Variants in NRXN1 observed in about 807,000 individuals in gnomAD.
NRXN1 encodes neurexin-1.
A neutral mutation model predicts 150.9 loss-of-function variants in NRXN1; 39 were observed. That is an observed-to-expected ratio of 0.26 (90% CI 0.20 to 0.34). The LOEUF is 0.34. NRXN1 is among the 10% of genes least tolerant of loss of function. NRXN1 has a pLI of 1.00. For missense variants in NRXN1, 1,815 were observed against 1,949.9 expected (o/e 0.93, Z 1.30); for synonymous variants, 924 against 757.0 (o/e 1.22, Z -3.62).
intron 18 of NRXN1, among the ~76,000 whole-genome samples, chr2:50,183,231 T>C (rs558569585): frequency 2.8e-4 from 42 of 152,108 alleles, no homozygotes; most frequent in Non-Finnish European, 5.9e-4. Flanking sequence ...GTCAGAAGCA[T>C]CTGCTCCTTA....
At chr2:50,145,627 C>T (rs573384876) in intron 18 of NRXN1, among the ~76,000 whole-genome samples, 7 of 151,670 alleles carry the variant, frequency 4.6e-5, no homozygotes, top group South Asian at 2.1e-4. Flanking sequence ...TTTTTAGCTG[C>T]GTAGGCTCTT....
intron 17 of NRXN1, among the ~76,000 whole-genome samples, chr2:50,413,013 A>AT (rs953786265): frequency 5.9e-5 from 9 of 152,204 alleles, no homozygotes; most frequent in African/African-American, 2.2e-4. Context: ...TCTCCAGGAC[A>AT]TTTTTTTGGG....
At chr2:50,055,907 A>T (rs936749359) in intron 19 of NRXN1, among the ~76,000 whole-genome samples, 1 of 152,194 alleles carries the variant, frequency 6.6e-6, no homozygotes, top group Non-Finnish European at 1.5e-5. Flanking sequence ...AACCTAAGTG[A>T]GAGCCCTGCT....
At chr2:50,414,825 G>T (rs1175855038) in intron 17 of NRXN1, among the ~76,000 whole-genome samples, 2 of 151,926 alleles carry the variant, frequency 1.3e-5, no homozygotes, top group Admixed American at 1.3e-4. Flanking sequence ...ATGAACGTTC[G>T]TAATACCAAA....
chr2:50,847,128 G>C (rs1673774547), intron 5 of NRXN1, among the ~76,000 whole-genome samples: 1 of 152,178 alleles, frequency 6.6e-6, no homozygotes, highest in East Asian at 1.9e-4. Context: ...ACATGCATCA[G>C]GGGGAGGTGA....
At chr2:50,984,803 C>G (rs921383736) in intron 2 of NRXN1, among the ~76,000 whole-genome samples, 2 of 151,884 alleles carry the variant, frequency 1.3e-5, no homozygotes, top group African/African-American at 4.8e-5. Flanking sequence ...AAGTCAGTGA[C>G]AAAGGGAATG....
At chr2:50,030,089 A>T (rs1442940986) in intron 21 of NRXN1, among the ~76,000 whole-genome samples, 1 of 152,164 alleles carries the variant, frequency 6.6e-6, no homozygotes, top group Non-Finnish European at 1.5e-5. Flanking sequence ...ATTTTGGAGG[A>T]GAAAGAGGGT....
At chr2:50,282,240 G>C (rs1353160688) in intron 17 of NRXN1, among the ~76,000 whole-genome samples, 1 of 152,152 alleles carries the variant, frequency 6.6e-6, no homozygotes, top group Non-Finnish European at 1.5e-5. Flanking sequence ...TACCACTTAA[G>C]TGATGAGGAT....
At chr2:50,410,331 C>G (rs2083058158) in intron 17 of NRXN1, among the ~76,000 whole-genome samples, 1 of 152,200 alleles carries the variant, frequency 6.6e-6, no homozygotes, top group Admixed American at 6.5e-5. Flanking sequence ...TCCTGAATTC[C>G]TATTGTTTTT....
At chr2:50,520,183 T>C (rs573297990) in intron 12 of NRXN1, among the ~76,000 whole-genome samples, 4 of 152,058 alleles carry the variant, frequency 2.6e-5, no homozygotes, top group Admixed American at 2.6e-4. Flanking sequence ...TTATGTATTT[T>C]CTGTTTCCTT....
intron 18 of NRXN1, among the ~76,000 whole-genome samples, chr2:50,159,461 GAAACCTATTTC>G (rs979070512): frequency 1.3e-5 from 2 of 152,062 alleles, no homozygotes; most frequent in African/African-American, 4.8e-5. Flanking sequence ...TCTGAAAATA[GAAACCTATTTC>G]AATAATTCAA....
rs1477619970 is a variant in NRXN1, at chr2:50,113,661, T to C, written c.3547-22167A>G. On this transcript the variant is annotated intron_variant, in intron 18 of 22. Coordinates refer to ENST00000401669, the MANE Select transcript of NRXN1 (RefSeq NM_001330078.2). ...AAGCATATGGAAAATGTATGTTCAATTCTAGAGGAGGAATATTTTGGCTAT... is the reference window on the plus strand; with the variant it reads ...AAGCATATGGAAAATGTATGTTCAACTCTAGAGGAGGAATATTTTGGCTAT... 3.3e-5 allele frequency among the ~76,000 whole-genome samples: 5 copies of C among 152,182 alleles called. No individual in the cohort carries two copies. The East Asian group carries it at 9.6e-4, about 29-fold the overall frequency.
chr2:50,066,920 C>A (rs1695453709), intron 19 of NRXN1, among the ~76,000 whole-genome samples: 1 of 152,110 alleles, frequency 6.6e-6, no homozygotes, highest in East Asian at 1.9e-4. Context: ...ACGCTCATTT[C>A]TCTAAATTAA....
chr2:50,416,115 G>T (rs1208678561), intron 17 of NRXN1, among the ~76,000 whole-genome samples: 4 of 152,048 alleles, frequency 2.6e-5, no homozygotes, highest in Non-Finnish European at 5.9e-5. Context: ...TTATACTTCA[G>T]TGGAGACAGA....
chr2:50,234,490 G>T (rs963032312), intron 18 of NRXN1, among the ~76,000 whole-genome samples: 1 of 152,006 alleles, frequency 6.6e-6, no homozygotes, highest in African/African-American at 2.4e-5. Flanking sequence ...GCGAAACTTT[G>T]TCTCAACAAC....
Position 50,151,127 on chromosome 2 carries a change from C to T in NRXN1, c.3547-59633G>A, listed in dbSNP as rs1425960392. The stretch of plus-strand genomic sequence containing the variant: ...AATGAAGCTGACAAGCTGAGAGAGG[C>T]AAAGAGGAAAACCAGATTGATTTCT... On this transcript the variant is annotated intron_variant, in intron 18 of 22. Coordinates refer to ENST00000401669, the MANE Select transcript of NRXN1 (RefSeq NM_001330078.2). 2.0e-5 allele frequency among the ~76,000 whole-genome samples: 3 copies of T among 151,690 alleles called. No homozygotes were observed. In the East Asian group the frequency reaches 5.8e-4, roughly 29 times the overall value.
At chr2:50,421,354 C>T (rs755698166) in intron 17 of NRXN1, among the ~76,000 whole-genome samples, 5 of 151,974 alleles carry the variant, frequency 3.3e-5, no homozygotes, top group African/African-American at 1.2e-4. Context: ...AATGGAGCGA[C>T]ATTAAAATAT....
chr2:50,618,609 T>G (rs867336699), intron 8 of NRXN1, among the ~76,000 whole-genome samples: 1 of 152,024 alleles, frequency 6.6e-6, no homozygotes, highest in African/African-American at 2.4e-5. Flanking sequence ...TTCATACTTG[T>G]TAGTTGTGTG....
At chr2:50,756,590 A>G (rs1701179517) in intron 5 of NRXN1, among the ~76,000 whole-genome samples, 1 of 151,850 alleles carries the variant, frequency 6.6e-6, no homozygotes, top group Non-Finnish European at 1.5e-5. Context: ...AAACGTGTGC[A>G]TTGCAGAATT....
Sources: allele counts gnomAD v4.1 joint callset (sites outside exome capture counted in the v4.1 genomes callset), GRCh38; gene constraint gnomAD v4.1.1; transcripts MANE v1.5; gene names NCBI Gene and HGNC (gene_info 2026-07-23, HGNC 2026-07-21).